RALB: variants seen among roughly 807,000 people sequenced by gnomAD.
RALB encodes ras-related protein Ral-B.
Under a neutral mutation model 21.3 loss-of-function variants are expected in RALB, and 16 were observed. The ratio of observed to expected loss-of-function variants is 0.75; its 90% CI spans 0.51 to 1.14. RALB has a LOEUF of 1.14. RALB is among the 50% of genes most tolerant of loss of function. The pLI, the probability that RALB is intolerant of heterozygous loss-of-function variation, is 0.00. For missense variants in RALB, 161 were observed against 256.2 expected, an observed-to-expected ratio of 0.63 and a Z score of 2.54; for synonymous variants, 93 against 96.1, an observed-to-expected ratio of 0.97 and a Z score of 0.19.
intron 1 of RALB, among the ~76,000 whole-genome samples, chr2:120,246,125 A>G (rs1688967400): frequency 6.6e-6 from 1 of 152,216 alleles, no homozygotes; most frequent in South Asian, 2.1e-4. Context: ...TGTCTATAAA[A>G]AAATCCACAG....
At chr2:120,283,527 T>A (rs1329363535) in intron 2 of RALB, among the ~76,000 whole-genome samples, 1 of 152,242 alleles carries the variant, frequency 6.6e-6, no homozygotes, top group Non-Finnish European at 1.5e-5. Context: ...AGAGTCTTTA[T>A]TCTTGTCTAA....
At position 120,262,023 on chromosome 2, in the gene RALB, G is replaced by A. The variant is rs148965562; in HGVS notation, c.-48+9043G>A. Among the ~76,000 whole-genome samples the A allele has an allele frequency of 2.1e-3, 318 of 152,288 alleles. 2 individuals carry two copies. Among genetic ancestry groups the A allele is most frequent in the African/African-American group, 6.9e-3 (285 of 41,560 alleles). ...CAAGGACTTGAGAGGGGCCGAGCTTGGCTGGGACATCCACATGCACAGATG... is the reference window on the plus strand; with the variant it reads ...CAAGGACTTGAGAGGGGCCGAGCTTAGCTGGGACATCCACATGCACAGATG... On this transcript the variant is annotated intron_variant, in intron 1 of 4. Transcript: ENST00000272519.
chr2:120,262,721 C>A (rs1035429424), intron 1 of RALB, among the ~76,000 whole-genome samples: 8 of 152,164 alleles, frequency 5.3e-5, no homozygotes, highest in African/African-American at 9.7e-5. Flanking sequence ...TCTGTTAGAG[C>A]CGTTTCGGGA....
At position 120,284,600 on chromosome 2, in the gene RALB, A is replaced by G. The variant is rs181993538; in HGVS notation, c.115-1274A>G. On this transcript the variant is annotated intron_variant, in intron 2 of 4. Transcript: ENST00000272519. ...TTTTTAGTAGAGATGGGTTTTCACCATGTTAGCCAGGCTGGTCTCGAACTC... is the reference window on the plus strand; with the variant it reads ...TTTTTAGTAGAGATGGGTTTTCACCGTGTTAGCCAGGCTGGTCTCGAACTC... 7.9e-5 allele frequency among the ~76,000 whole-genome samples: 12 copies of G among 152,298 alleles called. No individual in the cohort carries two copies. The South Asian group carries it at 2.3e-3, about 29-fold the overall frequency.
upstream of RALB, among the ~76,000 whole-genome samples, chr2:120,247,879 C>T (rs1688996788): frequency 1.3e-5 from 2 of 152,218 alleles, no homozygotes; most frequent in African/African-American, 4.8e-5. Context: ...CTTAGGTCCT[C>T]CTCTAAAGAC....
intron 1 of RALB, among the ~76,000 whole-genome samples, chr2:120,275,860 A>C (rs1259824738): frequency 6.6e-6 from 1 of 152,186 alleles, no homozygotes; most frequent in Non-Finnish European, 1.5e-5. Context: ...GAATAGGAGA[A>C]AGAAAGAGAA....
At chr2:120,269,950 G>A (rs1689620684) in intron 1 of RALB, among the ~76,000 whole-genome samples, 1 of 152,110 alleles carries the variant, frequency 6.6e-6, no homozygotes, top group Non-Finnish European at 1.5e-5. Context: ...AACTCTTGAT[G>A]AACCCAATCT....
intron 2 of RALB, among the ~76,000 whole-genome samples, chr2:120,284,764 G>A (rs1483030490): frequency 1.3e-5 from 2 of 151,708 alleles, no homozygotes; most frequent in African/African-American, 2.4e-5. Flanking sequence ...ACCAACCTAC[G>A]TATTAGTAGT....
At chr2:120,278,924 A>G in intron 2 of RALB, 146 bp downstream of exon 2, 1 of 645,072 alleles carries the variant, frequency 1.6e-6, no homozygotes, top group South Asian at 4.9e-5. Flanking sequence ...GCTTCCTAGG[A>G]AGGTCTAATC....
At chr2:120,283,019 T>A (rs1469919440) in intron 2 of RALB, among the ~76,000 whole-genome samples, 17 of 145,116 alleles carry the variant, frequency 1.2e-4, no homozygotes, top group African/African-American at 3.5e-4. Flanking sequence ...TGGGAGACTT[T>A]AAAAAAAAAA....
chr2:120,253,126 A>C (rs951759131), intron 1 of RALB, 146 bp downstream of exon 1: 2 of 531,154 alleles, frequency 3.8e-6, no homozygotes, highest in African/African-American at 4.1e-5. Flanking sequence ...AGGCCGGCGG[A>C]GGGCGACGCC....
chr2:120,259,739 G>A (rs1016989071), intron 1 of RALB, among the ~76,000 whole-genome samples: 4 of 152,252 alleles, frequency 2.6e-5, no homozygotes, highest in Non-Finnish European at 5.9e-5. Context: ...CCAGTCCTGC[G>A]CCATGCACTT....
At chr2:120,250,799 C>G (rs1689040041), upstream of RALB, among the ~76,000 whole-genome samples, 1 of 152,156 alleles carries the variant, frequency 6.6e-6, no homozygotes, top group Admixed American at 6.5e-5. Flanking sequence ...GTTCCCTTCT[C>G]CCGTTGGGAC....
intron 1 of RALB, among the ~76,000 whole-genome samples, chr2:120,271,938 CTT>C (rs1689675148): frequency 6.6e-6 from 1 of 152,186 alleles, no homozygotes; most frequent in Non-Finnish European, 1.5e-5. Context: ...TTTGAACAAA[CTT>C]CAGTCAAACA....
intron 1 of RALB, among the ~76,000 whole-genome samples, chr2:120,254,417 T>C (rs1689144677): frequency 6.6e-6 from 1 of 152,214 alleles, no homozygotes; most frequent in African/African-American, 2.4e-5. Flanking sequence ...AGCACTCTTA[T>C]CGGAGATCTC....
At chr2:120,244,252 G>A (rs1244945172) in intron 1 of RALB, among the ~76,000 whole-genome samples, 2 of 152,172 alleles carry the variant, frequency 1.3e-5, no homozygotes, top group African/African-American at 4.8e-5. Flanking sequence ...ATTTGGGTGG[G>A]GACACAGAGC....
chr2:120,291,869 G>A (rs563212910), intron 4 of RALB, among the ~76,000 whole-genome samples: 18 of 152,266 alleles, frequency 1.2e-4, no homozygotes, highest in African/African-American at 4.3e-4. Flanking sequence ...GTAAATGCAT[G>A]TGGAGCCCCA....
At chr2:120,285,172 C>G (rs1348204979) in intron 2 of RALB, among the ~76,000 whole-genome samples, 1 of 152,050 alleles carries the variant, frequency 6.6e-6, no homozygotes. Context: ...CACAAGGCGC[C>G]AGGAAGAAGT....
rs944465756 is a variant in RALB at position 120,252,883 on chromosome 2, G to A, written c.-145G>A. The A allele has an allele frequency of 1.2e-5, 12 of 985,544 alleles. No individual in the cohort carries two copies. Among genetic ancestry groups the A allele is most frequent in the Middle Eastern group, 5.2e-4 (1 of 1,914 alleles). 61.0% of individuals were successfully genotyped at this position (985,544 alleles called of 1,614,324 possible). A position where few individuals can be genotyped will look rare whatever the true frequency, so the allele number is the denominator to read the frequency against. On this transcript the variant is annotated 5_prime_UTR_variant, in exon 1 of 5. Coordinates refer to ENST00000272519, the MANE Select transcript of RALB (RefSeq NM_002881.3). Reference sequence around the variant, plus strand: ...GAGCCCGGCAGCTCAATGACAAATCGGTGGAGGACGGCTGGGGTCCGGCCC... The same window carrying A: ...GAGCCCGGCAGCTCAATGACAAATCAGTGGAGGACGGCTGGGGTCCGGCCC...
Sources: gnomAD v4.1 joint callset for allele counts (sites outside exome capture counted in the v4.1 genomes callset) on GRCh38, gnomAD v4.1.1 for gene constraint, MANE v1.5 for transcripts, NCBI Gene and HGNC (gene_info 2026-07-23, HGNC 2026-07-21) for gene names.